ANKRD62: variants seen among roughly 807,000 people sequenced by gnomAD.
ANKRD62 encodes ankyrin repeat domain-containing protein 62.
Under a neutral mutation model 98.8 loss-of-function variants are expected in ANKRD62, and 61 were observed. The observed-to-expected ratio is 0.62, with a 90% CI of 0.50 to 0.76. The LOEUF is 0.76. ANKRD62 is among the 30% of genes least tolerant of loss of function. The pLI is 0.00. For missense variants in ANKRD62, 933 were observed against 1,082.9 expected, an observed-to-expected ratio of 0.86 and a Z score of 1.94; for synonymous variants, 341 against 367.9, an observed-to-expected ratio of 0.93 and a Z score of 0.84.
At chr18:12,179,327 G>A in the ANKRD62 span, among the ~76,000 whole-genome samples, 2 of 138,596 alleles carry the variant, frequency 1.4e-5, no homozygotes, top group Non-Finnish European at 3.1e-5. Context: ...GAGCCTGAGA[G>A]AAGAGTCTCC....
At chr18:12,137,961 G>A in the ANKRD62 span, among the ~76,000 whole-genome samples, 83 of 149,598 alleles carry the variant, frequency 5.5e-4, no homozygotes, top group African/African-American at 1.7e-3. Flanking sequence ...TCTTGCTAGC[G>A]GTCTATCAAT....
chr18:12,106,998 C>T (rs114284157), intron 7 of ANKRD62, among the ~76,000 whole-genome samples: 3 of 151,890 alleles, frequency 2.0e-5, no homozygotes, highest in South Asian at 2.1e-4. Context: ...ACAAGGGCAC[C>T]GGGGGTGAAA....
the ANKRD62 span, among the ~76,000 whole-genome samples, chr18:12,167,119 A>G: frequency 6.6e-6 from 1 of 150,842 alleles, no homozygotes; most frequent in African/African-American, 2.4e-5. Flanking sequence ...TTTAGGTTAT[A>G]CTAAGTTTTT....
chr18:12,132,836 T>C (rs561594082), downstream of ANKRD62, among the ~76,000 whole-genome samples: 1 of 152,298 alleles, frequency 6.6e-6, no homozygotes, highest in East Asian at 1.9e-4. Flanking sequence ...TGTAGTTTTT[T>C]CTTGAATTTT....
the ANKRD62 span, among the ~76,000 whole-genome samples, chr18:12,151,040 C>A: frequency 6.6e-6 from 1 of 152,146 alleles, no homozygotes; most frequent in Non-Finnish European, 1.5e-5. Context: ...CTTCAAGAAA[C>A]GTGTCTAACA....
At chr18:12,109,467 G>T (rs1909487978) in intron 8 of ANKRD62, among the ~76,000 whole-genome samples, 2 of 152,162 alleles carry the variant, frequency 1.3e-5, no homozygotes, top group Admixed American at 6.5e-5. Flanking sequence ...AGCAAATTTT[G>T]TCGGAATACA....
Position 12,122,292 on chromosome 18 carries a change from C to T in ANKRD62, c.1241-11C>T, listed in dbSNP as rs1331847344. ...GTATTTTATCTCTATTTTGTCTTCT[C>T]CTGGTAACAGATTTTGTTAGCCTAT... On this transcript the variant is annotated splice_polypyrimidine_tract_variant and intron_variant, in intron 10 of 13. Coordinates refer to ENST00000587848, the MANE Select transcript of ANKRD62 (RefSeq NM_001277333.2). 8 of 1,526,220 alleles carry T rather than the reference C, an allele frequency of 5.2e-6. No individual in the cohort carries two copies. Among genetic ancestry groups the T allele is most frequent in the Non-Finnish European group, 7.0e-6 (8 of 1,143,924 alleles). The allele number at this position is 1,526,220 out of a possible 1,614,324, so 94.5% of individuals were successfully genotyped here.
intron 10 of ANKRD62, among the ~76,000 whole-genome samples, chr18:12,118,149 A>G (rs768489315): frequency 2.6e-5 from 4 of 152,138 alleles, no homozygotes; most frequent in Non-Finnish European, 4.4e-5. Flanking sequence ...GTACACTGAC[A>G]TGTATGCGTG....
the ANKRD62 span, among the ~76,000 whole-genome samples, chr18:12,166,943 A>T: frequency 6.6e-6 from 1 of 151,006 alleles, no homozygotes; most frequent in African/African-American, 2.4e-5. Context: ...CTCATTGTTC[A>T]GTTCCCACCT....
intron 6 of ANKRD62, among the ~76,000 whole-genome samples, chr18:12,102,945 G>A (rs1909337639): frequency 6.6e-6 from 1 of 152,146 alleles, no homozygotes; most frequent in South Asian, 2.1e-4. Flanking sequence ...CTTGAATCTG[G>A]TGACATCTGG....
chr18:12,170,118 T>A, the ANKRD62 span, among the ~76,000 whole-genome samples: 4 of 152,240 alleles, frequency 2.6e-5, no homozygotes, highest in South Asian at 8.3e-4. Context: ...GTTTTTTGTA[T>A]CTCTATCTCC....
rs1568056227 is a variant in ANKRD62, at chr18:12,093,976, T to C, written c.-42T>C. The C allele has an allele frequency of 3.3e-6, 5 of 1,528,096 alleles. No individual in the cohort carries two copies. Among genetic ancestry groups the C allele is most frequent in the Admixed American group, 2.0e-5 (1 of 50,974 alleles). 94.7% of individuals were successfully genotyped at this position (1,528,096 alleles called of 1,614,324 possible). The stretch of plus-strand genomic sequence containing the variant: ...AAAACGAGTGGGAGCTGAGGTGTCT[T>C]AAAGCCGTTCCTCAGCCTGGGAGAA... On this transcript the variant is annotated 5_prime_UTR_variant, in exon 1 of 14. Transcript: ENST00000587848.
At position 12,112,176 on chromosome 18, in the gene ANKRD62, A is replaced by G. The variant is rs1909557828; in HGVS notation, c.1065-2912A>G. ...ATTTCGTAGACTCAATGCTGTTCCT[A>G]TTAAACTACCATTGACATTCTTTAC... On this transcript the variant is annotated intron_variant, in intron 8 of 13. Coordinates refer to ENST00000587848, the MANE Select transcript of ANKRD62 (RefSeq NM_001277333.2). Among the ~76,000 whole-genome samples the G allele has an allele frequency of 2.0e-5, 3 of 151,854 alleles. No individual in the cohort carries two copies. In the South Asian group the frequency reaches 6.2e-4, roughly 32 times the overall value.
At chr18:12,174,919 G>A in the ANKRD62 span, among the ~76,000 whole-genome samples, 2 of 152,350 alleles carry the variant, frequency 1.3e-5, no homozygotes, top group Admixed American at 6.5e-5. Flanking sequence ...TCCAATGGGT[G>A]GTGCCAGCCA....
In ANKRD62 at chr18:12,094,140, G is replaced by A; in HGVS notation, c.123G>A (p.Met41Ile). ...GYRVRQKDLGMIHKAAIAGDV... is the reference protein window; with the variant it reads ...GYRVRQKDLGIIHKAAIAGDV... ...GAGTCCGGCAGAAGGATCTGGGCATGATCCACAAAGCTGCCATCGCAGGTG... is the reference window on the plus strand; with the variant it reads ...GAGTCCGGCAGAAGGATCTGGGCATAATCCACAAAGCTGCCATCGCAGGTG... Residue 41 changes from methionine (M) to isoleucine (I), a missense_variant, in exon 1 of 14, where the codon ATG (methionine) becomes ATA (isoleucine). This residue lies in a region of ANKRD62 where 549 missense variants were observed against 587.9 expected (regional missense o/e 0.93). Transcript: ENST00000587848. The A allele has an allele frequency of 6.5e-7, 1 of 1,533,692 alleles. No homozygotes were observed. The highest frequency in any genetic ancestry group is 8.7e-7 in the Non-Finnish European group (1 of 1,146,526).
chr18:12,178,127 T>C, the ANKRD62 span, among the ~76,000 whole-genome samples: 4 of 151,570 alleles, frequency 2.6e-5, no homozygotes, highest in African/African-American at 9.8e-5. Context: ...GGACACTTTT[T>C]ACCCAAATTT....
chr18:12,094,049 G>T lies in ANKRD62; in HGVS notation c.32G>T (p.Cys11Phe), dbSNP rs769321680. Reference sequence around the variant, plus strand: ...GTCAGGGGGTCGTTCCTGGCGGCCTGCAGGAGACGCATGGCTACCTGGAGG... The same window carrying T: ...GTCAGGGGGTCGTTCCTGGCGGCCTTCAGGAGACGCATGGCTACCTGGAGG... MEVRGSFLAA[C>F]RRRMATWRKN... is the part of the protein sequence containing the mutation. Residue 11 changes from cysteine (C) to phenylalanine (F), a missense_variant, in exon 1 of 14, where the codon TGC becomes TTC. Transcript: ENST00000587848. 113 of 1,535,150 alleles carry T rather than the reference G, an allele frequency of 7.4e-5. No individual in the cohort carries two copies. Among genetic ancestry groups the T allele is most frequent in the Non-Finnish European group, 9.3e-5 (107 of 1,146,792 alleles).
At chr18:12,103,399 G>A (rs1180989674) in intron 7 of ANKRD62, among the ~76,000 whole-genome samples, 171 bp downstream of exon 7, 2 of 152,052 alleles carry the variant, frequency 1.3e-5, no homozygotes, top group East Asian at 3.9e-4. Flanking sequence ...AATCTACAGT[G>A]ATTTTACAGC....
intron 8 of ANKRD62, among the ~76,000 whole-genome samples, chr18:12,109,128 C>G (rs1909479642): frequency 6.6e-6 from 1 of 152,224 alleles, no homozygotes; most frequent in African/African-American, 2.4e-5. Context: ...ATTGGCAACT[C>G]TTTTTGGGGG....
Sources: allele counts gnomAD v4.1 joint callset (sites outside exome capture counted in the v4.1 genomes callset), GRCh38; gene constraint gnomAD v4.1.1; regional missense constraint gnomAD v4.1.1; transcripts MANE v1.5; gene names NCBI Gene and HGNC (gene_info 2026-07-23, HGNC 2026-07-21).